KAZN: variants seen among roughly 807,000 people sequenced by gnomAD.
KAZN encodes the protein kazrin, periplakin interacting protein.
Under a neutral mutation model 87.4 loss-of-function variants are expected in KAZN, and 40 were observed. The observed-to-expected ratio is 0.46, with a 90% CI of 0.36 to 0.60. The LOEUF is 0.60. Ranked by LOEUF, KAZN falls within the 20% of genes least tolerant of loss-of-function variation. The pLI is 0.00. For synonymous variants in KAZN, 466 were observed against 458.3 expected, an observed-to-expected ratio of 1.02 and a Z score of -0.22; for missense variants, 898 against 1,073.9, an observed-to-expected ratio of 0.84 and a Z score of 2.29.
intron 2 of KAZN, among the ~76,000 whole-genome samples, chr1:14,475,989 C>T (rs1668701280): frequency 6.6e-6 from 1 of 152,138 alleles, no homozygotes; most frequent in Non-Finnish European, 1.5e-5. Context: ...ATGAGGTTAT[C>T]ATTGTTTGAG....
At chr1:14,076,375 G>A (rs1643461622) in intron 1 of KAZN, among the ~76,000 whole-genome samples, 1 of 152,282 alleles carries the variant, frequency 6.6e-6, no homozygotes, top group East Asian at 1.9e-4. Flanking sequence ...AAGCCAAGGA[G>A]TGCTGAAGAT....
At chr1:14,897,957 G>A (rs1033947623) in intron 1 of KAZN, among the ~76,000 whole-genome samples, 2 of 152,170 alleles carry the variant, frequency 1.3e-5, no homozygotes, top group Non-Finnish European at 2.9e-5. Flanking sequence ...GAAGGGATGC[G>A]CAGCTATGGA....
rs185012686 is a variant in KAZN, at chr1:15,014,571, C to A, written c.419-20178C>A. ...CGGCATTTCCAGCACGTTGGAAAAG[C>A]GCCCTAAAACCCTGCTCCGGGCTTC... On this transcript the variant is annotated intron_variant, in intron 2 of 14. Coordinates refer to ENST00000376030, the MANE Select transcript of KAZN (RefSeq NM_201628.3). Among the ~76,000 whole-genome samples, 30 of 152,262 alleles carry A rather than the reference C, an allele frequency of 2.0e-4. No homozygotes were observed. The East Asian group carries it at 5.8e-3, about 29-fold the overall frequency.
Position 15,063,638 on chromosome 1 carries a change from C to T in KAZN, c.1098+16C>T. The T allele has an allele frequency of 4.3e-6, 7 of 1,609,842 alleles. No homozygotes were observed. The highest frequency in any genetic ancestry group is 1.7e-5 in the Admixed American group (1 of 60,014). ...TATTGTACAGGTAGGTGTGCCCTCC[C>T]TGGCCACTTGAACCCTCCCTCCACC... On this transcript the variant is annotated intron_variant, in intron 7 of 14. Transcript: ENST00000376030.
At chr1:14,501,904 T>C (rs779043427) in intron 2 of KAZN, among the ~76,000 whole-genome samples, 11 of 152,186 alleles carry the variant, frequency 7.2e-5, no homozygotes, top group Non-Finnish European at 1.2e-4. Flanking sequence ...ATATGCAATA[T>C]TGAGAATAGC....
intron 1 of KAZN, among the ~76,000 whole-genome samples, chr1:14,014,142 G>A (rs979099655): frequency 1.5e-4 from 22 of 150,874 alleles, no homozygotes; most frequent in East Asian, 1.9e-4. Flanking sequence ...ATTTTTTTTC[G>A]CTATACCACA....
intron 1 of KAZN, among the ~76,000 whole-genome samples, chr1:14,904,220 T>C (rs933194895): frequency 6.6e-6 from 1 of 150,720 alleles, no homozygotes; most frequent in Non-Finnish European, 1.5e-5. Flanking sequence ...GTTTAAGAAT[T>C]GCCTCACTTG....
At chr1:14,826,519 C>T (rs1172249669) in intron 1 of KAZN, among the ~76,000 whole-genome samples, 2 of 152,210 alleles carry the variant, frequency 1.3e-5, no homozygotes, top group Non-Finnish European at 2.9e-5. Context: ...CTTGCTGCTC[C>T]TGGGGGCGGC....
chr1:14,665,227 A>T (rs1266950346), intron 1 of KAZN, among the ~76,000 whole-genome samples: 2 of 152,086 alleles, frequency 1.3e-5, no homozygotes, highest in Non-Finnish European at 2.9e-5. Context: ...CAGGAGATCC[A>T]TGGGCACTGA....
chr1:15,019,258 A>G (rs2102146300), intron 2 of KAZN, among the ~76,000 whole-genome samples: 1 of 152,258 alleles, frequency 6.6e-6, no homozygotes, highest in East Asian at 1.9e-4. Flanking sequence ...GCCTTGCTAC[A>G]CCAGGGACTG....
At chr1:14,880,269 T>C (rs1653197163) in intron 1 of KAZN, among the ~76,000 whole-genome samples, 1 of 152,164 alleles carries the variant, frequency 6.6e-6, no homozygotes, top group Non-Finnish European at 1.5e-5. Flanking sequence ...AATAACCCTC[T>C]GAGACAGTCT....
chr1:14,982,987 A>C (rs999430330), intron 2 of KAZN, among the ~76,000 whole-genome samples: 3 of 152,220 alleles, frequency 2.0e-5, no homozygotes, highest in South Asian at 2.1e-4. Context: ...TTGAGGGTTG[A>C]GGGAGCTGCC....
chr1:14,847,249 C>T (rs916168932), intron 1 of KAZN, among the ~76,000 whole-genome samples: 2 of 152,144 alleles, frequency 1.3e-5, no homozygotes, highest in South Asian at 2.1e-4. Flanking sequence ...TGCCTGGGCC[C>T]GCCAAGGGCT....
chr1:14,336,276 A>G (rs1001656540), intron 2 of KAZN, among the ~76,000 whole-genome samples: 1 of 152,220 alleles, frequency 6.6e-6, no homozygotes, highest in Admixed American at 6.5e-5. Flanking sequence ...AGGTGCATTC[A>G]TGTTGCAGCA....
At chr1:14,944,409 T>C (rs1291389626) in intron 1 of KAZN, among the ~76,000 whole-genome samples, 1 of 151,904 alleles carries the variant, frequency 6.6e-6, no homozygotes, top group Admixed American at 6.5e-5. Flanking sequence ...GGGGCCCCCG[T>C]TGGTGTCCTA....
intron 2 of KAZN, among the ~76,000 whole-genome samples, chr1:14,985,909 C>T (rs1466674536): frequency 6.9e-6 from 1 of 144,864 alleles, no homozygotes; most frequent in Non-Finnish European, 1.5e-5. Context: ...AGGCTGAGGC[C>T]GGAAAATCAC....
chr1:15,088,049 G>C (rs1011732814), intron 8 of KAZN, among the ~76,000 whole-genome samples: 1 of 152,348 alleles, frequency 6.6e-6, no homozygotes, highest in South Asian at 2.1e-4. Flanking sequence ...GCCAGCCTCT[G>C]AACGTCTAGG....
At chr1:13,913,601 G>T (rs895876766) in intron 1 of KAZN, among the ~76,000 whole-genome samples, 1 of 152,162 alleles carries the variant, frequency 6.6e-6, no homozygotes, top group African/African-American at 2.4e-5. Context: ...TTGCAAATCT[G>T]GTTCTCTTCT....
At chr1:14,341,168 A>G (rs1657696930) in intron 2 of KAZN, among the ~76,000 whole-genome samples, 3 of 54 alleles carry the variant, frequency 0.056, no homozygotes, top group African/African-American at 0.21. Context: ...GTTGGGATTA[A>G]CAGGCATGAG....
Sources: allele counts gnomAD v4.1 joint callset (sites outside exome capture counted in the v4.1 genomes callset), GRCh38; gene constraint gnomAD v4.1.1; transcripts MANE v1.5; gene names NCBI Gene and HGNC (gene_info 2026-07-23, HGNC 2026-07-21).